The following PAK5 variants were observed in gnomAD, a reference collection of about 807,000 sequenced individuals.
The protein encoded by PAK5 is p21 (RAC1) activated kinase 5.
A neutral mutation model predicts 65.9 loss-of-function variants in PAK5; 16 were observed. The ratio of observed to expected loss-of-function variants is 0.24; its 90% CI spans 0.16 to 0.37. The LOEUF (loss-of-function observed/expected upper bound fraction) is 0.37. Ranked by LOEUF, PAK5 falls within the 10% of genes least tolerant of loss-of-function variation. The pLI, the probability that PAK5 is intolerant of heterozygous loss-of-function variation, is 1.00. For missense variants in PAK5, 785 were observed against 903.9 expected, an observed-to-expected ratio of 0.87 and a Z score of 1.69; for synonymous variants, 371 against 354.9, an observed-to-expected ratio of 1.05 and a Z score of -0.51.
intron 1 of PAK5, among the ~76,000 whole-genome samples, chr20:9,797,738 C>G (rs1216120806): frequency 8.1e-6 from 1 of 123,782 alleles, no homozygotes; most frequent in African/African-American, 4.2e-5. Flanking sequence ...GATGAACTGA[C>G]TTATGAGAAA....
intron 9 of PAK5, among the ~76,000 whole-genome samples, chr20:9,540,965 T>C (rs1214623824): frequency 6.6e-6 from 1 of 152,214 alleles, no homozygotes; most frequent in African/African-American, 2.4e-5. Flanking sequence ...CTCCATCTCC[T>C]GACCTCGTGA....
At chr20:9,788,605 A>T (rs371906626) in intron 1 of PAK5, among the ~76,000 whole-genome samples, 4 of 149,676 alleles carry the variant, frequency 2.7e-5, no homozygotes. Context: ...TGCAAAAAAC[A>T]GCATCACATA....
At chr20:9,720,998 G>A (rs1053621616) in intron 1 of PAK5, among the ~76,000 whole-genome samples, 1 of 152,116 alleles carries the variant, frequency 6.6e-6, no homozygotes, top group Non-Finnish European at 1.5e-5. Flanking sequence ...TTATTTTGGA[G>A]CAATGGAAAT....
At chr20:9,573,808 G>C (rs1461313659) in intron 4 of PAK5, among the ~76,000 whole-genome samples, 1 of 152,192 alleles carries the variant, frequency 6.6e-6, no homozygotes, top group Non-Finnish European at 1.5e-5. Flanking sequence ...GACTCGGAAT[G>C]TTCCGTGAAG....
chr20:9,581,197 T>C (rs1008419006), intron 3 of PAK5, among the ~76,000 whole-genome samples: 1 of 152,188 alleles, frequency 6.6e-6, no homozygotes, highest in African/African-American at 2.4e-5. Context: ...GGAGACTACA[T>C]AGAATATAAC....
chr20:9,681,302 C>G (rs2047646328), intron 2 of PAK5, among the ~76,000 whole-genome samples: 1 of 152,012 alleles, frequency 6.6e-6, no homozygotes, highest in South Asian at 2.1e-4. Context: ...CTTTTGTAAG[C>G]AACATATGCT....
chr20:9,771,613 G>A (rs1311858110), intron 1 of PAK5, among the ~76,000 whole-genome samples: 41 of 122,990 alleles, frequency 3.3e-4, no homozygotes, highest in South Asian at 5.0e-4. Context: ...AGAAATGGGC[G>A]TTTCACTCTT....
chr20:9,615,895 C>T (rs1052571975), intron 3 of PAK5, among the ~76,000 whole-genome samples: 6 of 152,180 alleles, frequency 3.9e-5, no homozygotes, highest in African/African-American at 9.7e-5. Flanking sequence ...CATGAGGCCT[C>T]TCCAGCATGG....
intron 9 of PAK5, among the ~76,000 whole-genome samples, chr20:9,540,863 A>C (rs902663913): frequency 1.3e-5 from 2 of 151,638 alleles, no homozygotes; most frequent in African/African-American, 4.9e-5. Context: ...CAGCCTCCTG[A>C]GTAGCTGGGA....
intron 2 of PAK5, among the ~76,000 whole-genome samples, chr20:9,685,125 G>A (rs773529957): frequency 2.6e-5 from 4 of 152,132 alleles, no homozygotes; most frequent in Non-Finnish European, 5.9e-5. Flanking sequence ...TCTCAGGCTT[G>A]TGACACATGT....
At chr20:9,605,340 C>G (rs6077568) in intron 3 of PAK5, among the ~76,000 whole-genome samples, 44,269 of 152,050 alleles carry the variant, frequency 0.29, 7,000 homozygotes, top group African/African-American at 0.38. Context: ...ACCAAAGCTG[C>G]AGGTAAACTC....
At chr20:9,604,403 T>G (rs2046414599) in intron 3 of PAK5, among the ~76,000 whole-genome samples, 1 of 152,260 alleles carries the variant, frequency 6.6e-6, no homozygotes, top group South Asian at 2.1e-4. Flanking sequence ...TGTCTCATTT[T>G]CTGGCTCTGG....
chr20:9,683,393 T>C (rs1488045278), intron 2 of PAK5, among the ~76,000 whole-genome samples: 2 of 152,260 alleles, frequency 1.3e-5, no homozygotes, highest in East Asian at 3.8e-4. Context: ...TGCTGCCTAT[T>C]TGCAGCTGCA....
At chr20:9,675,267 G>A (rs911041662) in intron 2 of PAK5, among the ~76,000 whole-genome samples, 1 of 152,078 alleles carries the variant, frequency 6.6e-6, no homozygotes, top group Non-Finnish European at 1.5e-5. Flanking sequence ...AAGAGTTAAA[G>A]CAGTCCAGCT....
chr20:9,765,077 C>G (rs2048742347), intron 1 of PAK5, among the ~76,000 whole-genome samples: 1 of 152,118 alleles, frequency 6.6e-6, no homozygotes, highest in Non-Finnish European at 1.5e-5. Context: ...CCAGCGGTGA[C>G]CATGGAGACT....
intron 4 of PAK5, among the ~76,000 whole-genome samples, chr20:9,571,312 C>T (rs936658470): frequency 2.1e-4 from 32 of 152,268 alleles, no homozygotes; most frequent in Admixed American, 9.8e-4. Context: ...CATGATGGTG[C>T]GTATCACCAG....
At position 9,566,619 on chromosome 20, in the gene PAK5, T is replaced by C. The variant is rs78640639; in HGVS notation, c.991-235A>G. Among the ~76,000 whole-genome samples, 1,225 of 152,222 alleles carry C rather than the reference T, an allele frequency of 8.0e-3. 12 individuals carry two copies. The highest frequency in any genetic ancestry group is 0.027 in the African/African-American group (1,115 of 41,520). On this transcript the variant is annotated intron_variant, in intron 4 of 9. Transcript: ENST00000353224. ...TCATATCTAAGGTGTACTTGCTTGT[T>C]AAGCCCTATTTTCTTGTTCAGTAAT...
At chr20:9,660,619 A>G (rs1014286034) in intron 2 of PAK5, among the ~76,000 whole-genome samples, 1 of 152,138 alleles carries the variant, frequency 6.6e-6, no homozygotes, top group Non-Finnish European at 1.5e-5. Flanking sequence ...GAATTTTTAT[A>G]TTGTGTGGAT....
intron 1 of PAK5, among the ~76,000 whole-genome samples, chr20:9,777,026 G>A (rs1421872316): frequency 6.6e-6 from 1 of 152,160 alleles, no homozygotes; most frequent in African/African-American, 2.4e-5. Flanking sequence ...AGGTATTAGT[G>A]CAATTTTAGG....
Sources: gnomAD v4.1 joint callset for allele counts (sites outside exome capture counted in the v4.1 genomes callset) on GRCh38, gnomAD v4.1.1 for gene constraint, MANE v1.5 for transcripts, NCBI Gene and HGNC (gene_info 2026-07-23, HGNC 2026-07-21) for gene names.